OCA2: variants seen among roughly 807,000 people sequenced by gnomAD.
OCA2 encodes the protein P protein.
In OCA2, 77 loss-of-function variants were observed where a neutral mutation model predicts 100.2. That is an observed-to-expected ratio of 0.77 (90% confidence interval 0.64 to 0.93). OCA2 has a LOEUF of 0.93. Ranked by LOEUF, OCA2 falls within the 40% of genes least tolerant of loss-of-function variation. The probability of loss-of-function intolerance (pLI) is 0.00; values close to 1 mark genes in which losing one functional copy is unlikely to be tolerated. For missense variants in OCA2, 1,062 were observed against 1,089.1 expected, an observed-to-expected ratio of 0.98 and a Z score of 0.35; for synonymous variants, 432 against 439.2, an observed-to-expected ratio of 0.98 and a Z score of 0.21.
rs752460023 is a variant in OCA2 at position 27,966,824 on chromosome 15, T to C, written c.1504-2A>G. ...AGTGAATCCGGCAAAGTCCAGGCCC[T>C]GGAAATAAACAAGGGGAAATGAAAT... On this transcript the variant is annotated splice_acceptor_variant, in intron 14 of 23. Transcript: ENST00000354638. LOFTEE classifies it high-confidence loss of function. 2 of 1,608,932 alleles carry C rather than the reference T, an allele frequency of 1.2e-6. No individual in the cohort carries two copies. Among genetic ancestry groups the C allele is most frequent in the Admixed American group, 1.7e-5 (1 of 59,650 alleles).
intron 23 of OCA2, among the ~76,000 whole-genome samples, chr15:27,804,669 T>C (rs2033750618): frequency 6.6e-6 from 1 of 152,212 alleles, no homozygotes; most frequent in African/African-American, 2.4e-5. Flanking sequence ...TTCTCTTCTT[T>C]TCTAGGTGAG....
intron 17 of OCA2, among the ~76,000 whole-genome samples, 198 bp downstream of exon 17, chr15:27,954,960 A>C (rs564854140): frequency 8.5e-5 from 13 of 152,302 alleles, no homozygotes; most frequent in African/African-American, 3.1e-4. Flanking sequence ...TGCTTTCCAC[A>C]TCCTCACAAA....
intron 2 of OCA2, among the ~76,000 whole-genome samples, chr15:28,080,559 A>G (rs1046496452): frequency 6.6e-6 from 1 of 152,274 alleles, no homozygotes; most frequent in African/African-American, 2.4e-5. Context: ...CAATAGAAAC[A>G]TTCAGTGAAA....
intron 1 of OCA2, among the ~76,000 whole-genome samples, chr15:28,094,049 C>A (rs1464520889): frequency 2.0e-5 from 3 of 152,146 alleles, no homozygotes; most frequent in Non-Finnish European, 4.4e-5. Flanking sequence ...CAAACACATC[C>A]TAACTCCTCC....
intron 2 of OCA2, among the ~76,000 whole-genome samples, chr15:28,058,675 G>A (rs891534302): frequency 1.2e-4 from 19 of 152,218 alleles, no homozygotes; most frequent in African/African-American, 4.1e-4. Flanking sequence ...GTGACTTTAT[G>A]TATGTTGCTC....
intron 18 of OCA2, among the ~76,000 whole-genome samples, chr15:27,941,587 G>T (rs1021666306): frequency 6.6e-6 from 1 of 152,122 alleles, no homozygotes; most frequent in Non-Finnish European, 1.5e-5. Flanking sequence ...AAAGGAGACC[G>T]CAACCAACGA....
intron 12 of OCA2, 88 bp downstream of exon 12, chr15:27,986,499 A>C (rs1488795222): frequency 1.1e-6 from 1 of 930,770 alleles, no homozygotes. Flanking sequence ...TGTTTGTTTT[A>C]AATGTTTGTT....
intron 19 of OCA2, among the ~76,000 whole-genome samples, chr15:27,883,935 T>C (rs150087231): frequency 6.6e-6 from 1 of 152,312 alleles, no homozygotes; most frequent in East Asian, 1.9e-4. Context: ...AGCTGACATA[T>C]TTAGCAATTT....
Position 28,032,111 on chromosome 15 carries a change from A to G in OCA2, c.280T>C (p.Phe94Leu). The G allele has an allele frequency of 6.2e-7, 1 of 1,614,120 alleles. No homozygotes were observed. Among genetic ancestry groups the G allele is most frequent in the African/African-American group, 1.3e-5 (1 of 75,048 alleles). Reference protein sequence around the residue: ...MSSSRSKDSCFTENTPLLRNS... With the variant: ...MSSSRSKDSCLTENTPLLRNS... ...CTCAGCAAAGGAGTGTTTTCTGTAA[A>G]GCAGGAATCTTTAGACCTGGAGCTG... The change falls in exon 3 of 24, where the codon TTT (phenylalanine) becomes CTT (leucine). Residue 94 changes from phenylalanine to leucine, a missense_variant. Coordinates refer to ENST00000354638, the MANE Select transcript of OCA2 (RefSeq NM_000275.3).
chr15:27,940,882 T>A (rs2039622866), intron 18 of OCA2, among the ~76,000 whole-genome samples: 1 of 152,238 alleles, frequency 6.6e-6, no homozygotes, highest in Non-Finnish European at 1.5e-5. Flanking sequence ...TATTCTCTCA[T>A]AATTTATTTA....
chr15:27,967,854 A>G (rs930601766), intron 14 of OCA2, among the ~76,000 whole-genome samples: 1 of 151,686 alleles, frequency 6.6e-6, no homozygotes, highest in African/African-American at 2.4e-5. Flanking sequence ...TCACACACAA[A>G]CGTCCTGGAA....
intron 13 of OCA2, 65 bp downstream of exon 13, chr15:27,984,999 T>G: frequency 6.3e-7 from 1 of 1,589,638 alleles, no homozygotes; most frequent in Non-Finnish European, 8.6e-7. Context: ...AGCCAGGCAG[T>G]GCAGGCAGAG....
intron 23 of OCA2, among the ~76,000 whole-genome samples, chr15:27,839,104 A>G (rs992164073): frequency 6.6e-6 from 1 of 152,226 alleles, no homozygotes; most frequent in Non-Finnish European, 1.5e-5. Flanking sequence ...TAAACTTATC[A>G]GTGGTCATTT....
intron 5 of OCA2, among the ~76,000 whole-genome samples, chr15:28,024,260 G>A (rs997986969): frequency 2.0e-5 from 3 of 152,044 alleles, no homozygotes; most frequent in African/African-American, 4.8e-5. Flanking sequence ...CCCTCCCCTC[G>A]TTCCCACACT....
chr15:27,774,895 T>G (rs902064615), intron 23 of OCA2, among the ~76,000 whole-genome samples: 1 of 152,162 alleles, frequency 6.6e-6, no homozygotes, highest in Non-Finnish European at 1.5e-5. Flanking sequence ...GACCTTGGAC[T>G]TCCAGGCTCC....
chr15:28,027,483 C>G (rs570259076), intron 4 of OCA2, among the ~76,000 whole-genome samples: 6 of 152,344 alleles, frequency 3.9e-5, no homozygotes, highest in Middle Eastern at 3.4e-3. Flanking sequence ...ACCCCTCAGG[C>G]TGTGCGCTGG....
At chr15:27,805,569 G>C (rs575231344) in intron 23 of OCA2, among the ~76,000 whole-genome samples, 5 of 152,320 alleles carry the variant, frequency 3.3e-5, no homozygotes, top group African/African-American at 9.6e-5. Context: ...CAGCTGCCCG[G>C]GTGTTGGCGG....
chr15:27,741,552 G>A, the OCA2 span, among the ~76,000 whole-genome samples: 2 of 152,190 alleles, frequency 1.3e-5, no homozygotes, highest in South Asian at 4.1e-4. Context: ...AGTACGGTTG[G>A]GCAAGTCAAG....
the OCA2 span, among the ~76,000 whole-genome samples, chr15:27,731,035 A>T: frequency 6.6e-6 from 1 of 151,984 alleles, no homozygotes; most frequent in Non-Finnish European, 1.5e-5. Context: ...TTGCAGCCAA[A>T]GTCATCCTAA....
Sources: gnomAD v4.1 joint callset for allele counts (sites outside exome capture counted in the v4.1 genomes callset) on GRCh38, gnomAD v4.1.1 for gene constraint, MANE v1.5 for transcripts, NCBI Gene and HGNC (gene_info 2026-07-23, HGNC 2026-07-21) for gene names.